The following PHTF2 variants were observed in gnomAD, a reference collection of about 807,000 sequenced individuals.
PHTF2 encodes putative homeodomain transcription factor 2.
A neutral mutation model predicts 101.2 loss-of-function variants in PHTF2; 60 were observed. The observed-to-expected ratio is 0.59, with a 90% CI of 0.48 to 0.73. PHTF2 has a LOEUF of 0.73. Among genes scored for constraint, PHTF2 ranks in the 30% least tolerant of loss-of-function variants. PHTF2 has a pLI of 0.00. For synonymous variants in PHTF2, 311 were observed against 307.3 expected (o/e 1.01, Z -0.13); for missense variants, 747 against 908.7 (o/e 0.82, Z 2.29).
intron 1 of PHTF2, among the ~76,000 whole-genome samples, chr7:77,816,668 C>A (rs1436564292): frequency 6.6e-6 from 1 of 152,172 alleles, no homozygotes; most frequent in Non-Finnish European, 1.5e-5. Flanking sequence ...AGAACTTATT[C>A]TTCCTATCTA....
intron 19 of PHTF2, among the ~76,000 whole-genome samples, chr7:77,954,610 G>GTATATATATA (rs1295236333): frequency 7.4e-4 from 61 of 82,508 alleles, no homozygotes; most frequent in Non-Finnish European, 1.2e-3. Flanking sequence ...AACAAGTACT[G>GTATATATATA]TGTATATATA....
intron 7 of PHTF2, 29 bp downstream of exon 6, chr7:77,901,949 T>C (rs1022651355): frequency 2.9e-6 from 4 of 1,395,610 alleles, no homozygotes; most frequent in Admixed American, 4.5e-5. Context: ...TGCTTTTACT[T>C]TTCAGAATGT....
intron 3 of PHTF2, among the ~76,000 whole-genome samples, chr7:77,863,932 A>G (rs957883780): frequency 5.3e-5 from 8 of 151,886 alleles, no homozygotes; most frequent in Non-Finnish European, 8.8e-5. Flanking sequence ...GTGAGCCACC[A>G]TCCCCGCTTA....
At chr7:77,956,127 TACATGAA>T (rs1027448107) in exon 20 of PHTF2, 3 of 152,740 alleles carry the variant, frequency 2.0e-5, no homozygotes, top group African/African-American at 2.4e-5. Context: ...TTTTAGAAAT[TACATGAA>T]ACATGAAACA....
chr7:77,885,997 TATG>T (rs1392665460), intron 3 of PHTF2, among the ~76,000 whole-genome samples: 2 of 152,220 alleles, frequency 1.3e-5, no homozygotes, highest in Non-Finnish European at 2.9e-5. Flanking sequence ...CATACAGTAT[TATG>T]ATGTATCTGT....
chr7:77,812,833 C>T (rs1398815048), intron 1 of PHTF2, among the ~76,000 whole-genome samples: 2 of 152,262 alleles, frequency 1.3e-5, no homozygotes, highest in East Asian at 1.9e-4. Flanking sequence ...TCGTGATTTG[C>T]CCACCTTGGC....
chr7:77,938,040 TTA>T (rs1293383871), intron 13 of PHTF2: 2 of 243,486 alleles, frequency 8.2e-6, no homozygotes, highest in African/African-American at 2.3e-5. Flanking sequence ...GTGTTTTCAC[TTA>T]TCTGACCAAG....
chr7:77,895,375 AGG>A (rs897668567), intron 5 of PHTF2, among the ~76,000 whole-genome samples: 8 of 152,260 alleles, frequency 5.3e-5, no homozygotes, highest in African/African-American at 1.7e-4. Context: ...AAAGAGAAGT[AGG>A]AGATCCATGA....
Position 77,885,355 on chromosome 7 carries a change from G to A in PHTF2, c.148-8253G>A, listed in dbSNP as rs531601468. On this transcript the variant is annotated intron_variant, in intron 3 of 19. Coordinates refer to ENST00000416283, the Ensembl canonical transcript of PHTF2. ...CAAGTGATCCTCCTGCCTTGGCCTT[G>A]CCTTGCAAGGTGCTCATATTATAGG... is the stretch of plus-strand genomic sequence containing the variant. 3.3e-5 allele frequency among the ~76,000 whole-genome samples: 5 copies of A among 152,254 alleles called. No individual in the cohort carries two copies. The South Asian group carries it at 1.0e-3, about 32-fold the overall frequency.
intron 3 of PHTF2, among the ~76,000 whole-genome samples, chr7:77,872,990 C>T (rs1204639294): frequency 6.6e-6 from 1 of 152,006 alleles, no homozygotes; most frequent in Non-Finnish European, 1.5e-5. Context: ...AGTGCAGTGG[C>T]ACGATCTCAG....
At chr7:77,834,968 A>G (rs903405441) in intron 1 of PHTF2, among the ~76,000 whole-genome samples, 2 of 152,184 alleles carry the variant, frequency 1.3e-5, no homozygotes, top group African/African-American at 2.4e-5. Context: ...AAGCTTCAGC[A>G]TTTTTTAGTC....
At chr7:77,939,437 C>T (rs1011068038) in intron 13 of PHTF2, among the ~76,000 whole-genome samples, 1 of 151,868 alleles carries the variant, frequency 6.6e-6, no homozygotes. Flanking sequence ...GAAACCCTGT[C>T]TTTACATCTC....
At chr7:77,801,182 A>G (rs1792518756) in intron 1 of PHTF2, among the ~76,000 whole-genome samples, 2 of 152,218 alleles carry the variant, frequency 1.3e-5, no homozygotes, top group Admixed American at 1.3e-4. Flanking sequence ...AATGACGATA[A>G]TACAATATAT....
chr7:77,854,152 TC>T (rs1796982016), intron 2 of PHTF2, among the ~76,000 whole-genome samples: 1 of 152,252 alleles, frequency 6.6e-6, no homozygotes, highest in Non-Finnish European at 1.5e-5. Context: ...TGCAGCCATG[TC>T]TGCATCAGGG....
chr7:77,821,638 A>G (rs951507728), intron 1 of PHTF2, among the ~76,000 whole-genome samples: 1 of 151,928 alleles, frequency 6.6e-6, no homozygotes, highest in African/African-American at 2.4e-5. Context: ...CATGCCCCAC[A>G]TGGAGCTGTT....
chr7:77,849,323 A>G (rs1368425260), intron 2 of PHTF2, among the ~76,000 whole-genome samples: 1 of 151,422 alleles, frequency 6.6e-6, no homozygotes, highest in Non-Finnish European at 1.5e-5. Flanking sequence ...TATTTATTTT[A>G]GTAGAGACGG....
chr7:77,901,928 T>G lies in PHTF2; in HGVS notation c.445+8T>G, dbSNP rs778746623. On this transcript the variant is annotated splice_region_variant and intron_variant, in intron 7 of 19. Transcript: ENST00000416283. Reference sequence around the variant, plus strand: ...TCCTTTATCTTCTTCAAGGTATAATTAAGTGATTTTTGCTTTTACTTTTCA... The same window carrying G: ...TCCTTTATCTTCTTCAAGGTATAATGAAGTGATTTTTGCTTTTACTTTTCA... 6.5e-7 allele frequency: 1 copy of G among 1,538,160 alleles called. No individual in the cohort carries two copies. Among genetic ancestry groups the G allele is most frequent in the Admixed American group, 2.0e-5 (1 of 49,104 alleles).
chr7:77,845,566 C>G (rs1397795969), intron 2 of PHTF2, among the ~76,000 whole-genome samples: 1 of 152,152 alleles, frequency 6.6e-6, no homozygotes, highest in African/African-American at 2.4e-5. Flanking sequence ...CTGGTAACTG[C>G]TATCAATTGT....
intron 2 of PHTF2, among the ~76,000 whole-genome samples, chr7:77,854,573 A>G (rs547252417): frequency 2.2e-4 from 33 of 151,820 alleles, no homozygotes; most frequent in African/African-American, 6.3e-4. Context: ...GTACCCCCCA[A>G]CCCCAGCCCA....
Sources: allele counts gnomAD v4.1 joint callset (sites outside exome capture counted in the v4.1 genomes callset), GRCh38; gene constraint gnomAD v4.1.1; transcripts MANE v1.5; gene names NCBI Gene and HGNC (gene_info 2026-07-23, HGNC 2026-07-21).